Variants in UNC13C observed in about 807,000 individuals in gnomAD.
UNC13C encodes unc-13 homolog C.
A neutral mutation model predicts 245.4 loss-of-function variants in UNC13C; 174 were observed. That is an observed-to-expected ratio of 0.71 (90% confidence interval 0.63 to 0.80). The LOEUF (loss-of-function observed/expected upper bound fraction) is 0.80. Ranked by LOEUF, UNC13C falls within the 30% of genes least tolerant of loss-of-function variation. The pLI is 0.00. For missense variants in UNC13C, 2,829 were observed against 2,602.9 expected (o/e 1.09, Z -1.89); for synonymous variants, 992 against 895.1 (o/e 1.11, Z -1.93).
chr15:54,095,813 C>T (rs1233142134), intron 2 of UNC13C, among the ~76,000 whole-genome samples: 1 of 152,158 alleles, frequency 6.6e-6, no homozygotes, highest in African/African-American at 2.4e-5. Flanking sequence ...AAAAGGCTTA[C>T]TTAGTGTCTC....
rs552602193 is a variant in UNC13C, at chr15:53,997,946, G to A, written c.-256-14702G>A. Among the ~76,000 whole-genome samples, 376 of 152,020 alleles carry A rather than the reference G, an allele frequency of 2.5e-3. 2 individuals are homozygous for A. The highest frequency in any genetic ancestry group is 3.2e-3 in the Non-Finnish European group (217 of 67,964). ...GCCTCCCTAGTAGATGGGACTACAG[G>A]TGTGCGCCACCATGACCAGCTAATT... On this transcript the variant is annotated intron_variant, in intron 1 of 32. Transcript: ENST00000260323.
intron 17 of UNC13C, among the ~76,000 whole-genome samples, chr15:54,361,330 T>G (rs1264301664): frequency 6.6e-6 from 1 of 152,198 alleles, no homozygotes; most frequent in Non-Finnish European, 1.5e-5. Context: ...TTTTACTTGG[T>G]GTGTTTTTAC....
intron 4 of UNC13C, among the ~76,000 whole-genome samples, chr15:54,153,213 G>A (rs541582716): frequency 1.3e-5 from 2 of 152,124 alleles, no homozygotes; most frequent in South Asian, 2.1e-4. Flanking sequence ...CAGATTAAGA[G>A]TTCTTAGTTT....
At chr15:54,317,310 C>T (rs929869615) in intron 13 of UNC13C, among the ~76,000 whole-genome samples, 3 of 151,878 alleles carry the variant, frequency 2.0e-5, no homozygotes, top group African/African-American at 4.8e-5. Context: ...CTCAAGACTA[C>T]ACTTATTTAC....
intron 2 of UNC13C, among the ~76,000 whole-genome samples, chr15:54,134,149 G>A (rs183568900): frequency 5.0e-4 from 76 of 151,600 alleles, no homozygotes; most frequent in African/African-American, 1.7e-3. Context: ...TTGTCATGGT[G>A]TGTATTAGAT....
chr15:54,455,201 CTCTCTATATA>C (rs1332056787), intron 19 of UNC13C, among the ~76,000 whole-genome samples: 14 of 33,284 alleles, frequency 4.2e-4, no homozygotes, highest in African/African-American at 1.2e-3. Context: ...CTCTCTCTCT[CTCTCTATATA>C]TATATATATA....
chr15:54,217,882 GCAT>G (rs1293435422), intron 4 of UNC13C, among the ~76,000 whole-genome samples: 2 of 151,676 alleles, frequency 1.3e-5, no homozygotes, highest in Admixed American at 1.3e-4. Flanking sequence ...CTCTTTCCAG[GCAT>G]CATTTCTGGG....
chr15:53,839,616 A>G, the UNC13C span, among the ~76,000 whole-genome samples: 1 of 151,980 alleles, frequency 6.6e-6, no homozygotes, highest in Non-Finnish European at 1.5e-5. Context: ...ATGTACTGTG[A>G]CAGTCTCTGT....
At chr15:54,333,624 A>G (rs2038498091) in intron 15 of UNC13C, 143 bp from the exon 16 acceptor site, 1 of 582,646 alleles carries the variant, frequency 1.7e-6, no homozygotes, top group Non-Finnish European at 3.1e-6. Context: ...TATGACAAAA[A>G]TATTTTAAGA....
At position 54,188,321 on chromosome 15, in the gene UNC13C, T is replaced by C. The variant is rs371554577; in HGVS notation, c.3071+44637T>C. On this transcript the variant is annotated intron_variant, in intron 4 of 32. Transcript: ENST00000260323. Reference sequence around the variant, plus strand: ...ATAAACCCAAAATGTATTAAATAATTTTCTAGTTGTGATTATAAAGAGGTA... The same window carrying C: ...ATAAACCCAAAATGTATTAAATAATCTTCTAGTTGTGATTATAAAGAGGTA... 1.3e-4 allele frequency among the ~76,000 whole-genome samples: 20 copies of C among 152,264 alleles called. No individual in the cohort carries two copies. The East Asian group carries it at 3.9e-3, about 29-fold the overall frequency.
intron 17 of UNC13C, among the ~76,000 whole-genome samples, chr15:54,347,054 G>A (rs1427655120): frequency 6.6e-6 from 1 of 152,164 alleles, no homozygotes; most frequent in East Asian, 1.9e-4. Flanking sequence ...ACAAGAGCAG[G>A]ATGAATTAGC....
chr15:54,552,017 A>G (rs540333464), intron 28 of UNC13C, among the ~76,000 whole-genome samples: 1 of 151,448 alleles, frequency 6.6e-6, no homozygotes, highest in East Asian at 1.9e-4. Context: ...TATTTGAAAT[A>G]ATTGTACTGA....
At chr15:54,470,870 A>G (rs1892427192) in intron 19 of UNC13C, among the ~76,000 whole-genome samples, 1 of 151,052 alleles carries the variant, frequency 6.6e-6, no homozygotes, top group Admixed American at 6.6e-5. Flanking sequence ...TTTTTAATGT[A>G]GGCATTTATT....
chr15:54,014,665 C>A lies in UNC13C; in HGVS notation c.1762C>A (p.Gln588Lys). Residue 588 changes from glutamine to lysine, a missense_variant, in exon 2 of 33, where the codon CAG becomes AAG. Coordinates refer to ENST00000260323, the MANE Select transcript of UNC13C (RefSeq NM_001080534.3). ...LLSSSDRELW[Q>K]RKQEGTATLY... Reference sequence around the variant, plus strand: ...GTCATCTTCGGACCGGGAGCTATGGCAGAGGAAACAGGAAGGAACAGCGAC... The same window carrying A: ...GTCATCTTCGGACCGGGAGCTATGGAAGAGGAAACAGGAAGGAACAGCGAC... 6.2e-7 allele frequency: 1 copy of A among 1,613,642 alleles called. No homozygotes were observed. Among genetic ancestry groups the A allele is most frequent in the Non-Finnish European group, 8.5e-7 (1 of 1,179,790 alleles).
chr15:54,323,266 A>T lies in UNC13C; in HGVS notation c.4425+1171A>T, dbSNP rs543718817. On this transcript the variant is annotated intron_variant, in intron 14 of 32. Transcript: ENST00000260323. The stretch of plus-strand genomic sequence containing the variant: ...TCTTTTTCTGTCCTTTTCCTCTGAA[A>T]GAGAAATGCATGCGAGGTGTATGAA... Among the ~76,000 whole-genome samples the T allele has an allele frequency of 2.6e-5, 4 of 152,124 alleles. No individual in the cohort carries two copies. In the East Asian group the frequency reaches 7.8e-4, roughly 30 times the overall value.
Position 54,500,126 on chromosome 15 carries a change from T to A in UNC13C, c.5108T>A (p.Val1703Glu), listed in dbSNP as rs761267373. ...CAATGGCTAGATGAAAACGAAGATG[T>A]GTCAATGGAATTCCTTCATGGAGCA... ...VMQWLDENED[V>E]SMEFLHGALG... The change falls in exon 21 of 33, where the codon GTG becomes GAG. Residue 1703 changes from valine (V) to glutamate (E), a missense_variant. Coordinates refer to ENST00000260323, the MANE Select transcript of UNC13C (RefSeq NM_001080534.3). 1 of 1,611,360 alleles carries A rather than the reference T, an allele frequency of 6.2e-7. No individual in the cohort carries two copies. The highest frequency in any genetic ancestry group is 8.5e-7 in the Non-Finnish European group (1 of 1,179,088).
At chr15:54,243,688 A>G (rs1042514585) in intron 7 of UNC13C, among the ~76,000 whole-genome samples, 3 of 152,216 alleles carry the variant, frequency 2.0e-5, no homozygotes, top group Non-Finnish European at 4.4e-5. Context: ...ATGAGAAAGC[A>G]TCTAATTGTG....
intron 2 of UNC13C, among the ~76,000 whole-genome samples, chr15:54,105,048 C>T (rs905173106): frequency 6.6e-6 from 1 of 152,136 alleles, no homozygotes; most frequent in African/African-American, 2.4e-5. Context: ...GTTTTTCTAC[C>T]TGAGGGATAT....
chr15:54,192,512 A>T (rs1289512420), intron 4 of UNC13C, among the ~76,000 whole-genome samples: 2 of 152,136 alleles, frequency 1.3e-5, no homozygotes, highest in Non-Finnish European at 2.9e-5. Flanking sequence ...GACTCTTCAC[A>T]ATACAGCCCC....
Sources: allele counts gnomAD v4.1 joint callset (sites outside exome capture counted in the v4.1 genomes callset), GRCh38; gene constraint gnomAD v4.1.1; transcripts MANE v1.5; gene names NCBI Gene and HGNC (gene_info 2026-07-23, HGNC 2026-07-21).